Variants in PCCA observed in about 807,000 individuals in gnomAD.
PCCA encodes propionyl-CoA carboxylase alpha chain, mitochondrial.
In PCCA, 74 loss-of-function variants were observed where a neutral mutation model predicts 101.3. That is an observed-to-expected ratio of 0.73 (90% CI 0.61 to 0.89). PCCA has a LOEUF of 0.89. Ranked by LOEUF, PCCA falls within the 40% of genes least tolerant of loss-of-function variation. PCCA has a pLI of 0.00. For missense variants in PCCA, 891 were observed against 907.0 expected, an observed-to-expected ratio of 0.98 and a Z score of 0.23; for synonymous variants, 294 against 313.6, an observed-to-expected ratio of 0.94 and a Z score of 0.66.
At chr13:100,277,448 A>T (rs771514500) in intron 12 of PCCA, among the ~76,000 whole-genome samples, 1 of 152,064 alleles carries the variant, frequency 6.6e-6, no homozygotes, top group Non-Finnish European at 1.5e-5. Flanking sequence ...TTACCCTGTG[A>T]TGTTTTTAAG....
intron 1 of PCCA, 31 bp downstream of exon 1, chr13:100,089,256 G>C (rs1364279777): frequency 6.9e-7 from 1 of 1,458,114 alleles, no homozygotes; most frequent in Non-Finnish European, 9.1e-7. Flanking sequence ...GCGGGTCCGG[G>C]CTTCACTGGG....
intron 20 of PCCA, among the ~76,000 whole-genome samples, chr13:100,448,331 T>A (rs977255315): frequency 2.0e-5 from 3 of 152,190 alleles, no homozygotes; most frequent in African/African-American, 7.2e-5. Context: ...TAGCTGGGAC[T>A]ACAGGTGTGC....
intron 19 of PCCA, among the ~76,000 whole-genome samples, chr13:100,397,929 T>C (rs1007435989): frequency 6.6e-6 from 1 of 152,230 alleles, no homozygotes; most frequent in Admixed American, 6.5e-5. Context: ...AGTGCTTCTT[T>C]TTAGCTTTGA....
At chr13:100,199,590 A>G (rs2058346640) in intron 6 of PCCA, among the ~76,000 whole-genome samples, 1 of 152,218 alleles carries the variant, frequency 6.6e-6, no homozygotes, top group South Asian at 2.1e-4. Context: ...CTTGGATTTG[A>G]TGCCTTTGAT....
chr13:100,414,912 G>C (rs947270167), intron 19 of PCCA, among the ~76,000 whole-genome samples: 1 of 152,078 alleles, frequency 6.6e-6, no homozygotes, highest in Non-Finnish European at 1.5e-5. Context: ...CTGTATACAA[G>C]CACTATATCT....
Position 100,398,105 on chromosome 13 carries a change from A to G in PCCA, c.1747-27528A>G, listed in dbSNP as rs373696640. Among the ~76,000 whole-genome samples the G allele has an allele frequency of 1.4e-3, 208 of 152,256 alleles. 6 individuals carry two copies. The South Asian group carries it at 0.031, about 23-fold the overall frequency. Reference sequence around the variant, plus strand: ...AACCAGCTACGAAAAACACCAAGGAAATGTGAAAGCTGGTAGTAATTGGTG... The same window carrying G: ...AACCAGCTACGAAAAACACCAAGGAGATGTGAAAGCTGGTAGTAATTGGTG... On this transcript the variant is annotated intron_variant, in intron 19 of 23. Transcript: ENST00000376285.
intron 16 of PCCA, among the ~76,000 whole-genome samples, chr13:100,324,814 G>A (rs527404551): frequency 2.7e-4 from 41 of 152,286 alleles, no homozygotes; most frequent in Non-Finnish European, 4.6e-4. Context: ...GCTGATCACC[G>A]CTGTGTGATC....
At chr13:100,194,028 G>A (rs1023586973) in intron 6 of PCCA, among the ~76,000 whole-genome samples, 3 of 151,328 alleles carry the variant, frequency 2.0e-5, no homozygotes, top group African/African-American at 7.3e-5. Flanking sequence ...CCGAGATTGT[G>A]CCACTGCACT....
At chr13:100,171,770 C>G (rs1191401882) in intron 6 of PCCA, among the ~76,000 whole-genome samples, 1 of 152,158 alleles carries the variant, frequency 6.6e-6, no homozygotes, top group East Asian at 1.9e-4. Context: ...CGGTGGCTCA[C>G]GCCTGTAATC....
At position 100,515,446 on chromosome 13, in the gene PCCA, C is replaced by T; in HGVS notation, c.1919C>T (p.Thr640Ile). The T allele has an allele frequency of 6.2e-7, 1 of 1,614,064 alleles. No homozygotes were observed. The highest frequency in any genetic ancestry group is 8.5e-7 in the Non-Finnish European group (1 of 1,179,948). The change falls in exon 22 of 24, where the codon ACC becomes ATC. Residue 640 changes from threonine (T) to isoleucine (I), a missense_variant. Coordinates refer to ENST00000376285, the MANE Select transcript of PCCA (RefSeq NM_000282.4). ...LGTVYKVNILTRLAAELNKFM... is the reference protein window; with the variant it reads ...LGTVYKVNILIRLAAELNKFM... ...CTTAAGTACAAGGTGAATATCTTAACCAGACTTGCCGCAGAATTGAACAAA... is the reference window on the plus strand; with the variant it reads ...CTTAAGTACAAGGTGAATATCTTAATCAGACTTGCCGCAGAATTGAACAAA...
chr13:100,105,287 C>T (rs950417548), intron 2 of PCCA, among the ~76,000 whole-genome samples: 1 of 152,034 alleles, frequency 6.6e-6, no homozygotes, highest in African/African-American at 2.4e-5. Context: ...ATGATAAACT[C>T]CCTGTTATGA....
At chr13:100,298,552 T>C (rs1233597264) in intron 12 of PCCA, among the ~76,000 whole-genome samples, 1 of 151,182 alleles carries the variant, frequency 6.6e-6, no homozygotes, top group African/African-American at 2.4e-5. Context: ...TTTTTTGTTT[T>C]TTTATTTTTA....
chr13:100,167,375 C>A (rs903373707), intron 6 of PCCA, among the ~76,000 whole-genome samples: 1 of 151,760 alleles, frequency 6.6e-6, no homozygotes, highest in Admixed American at 6.6e-5. Context: ...ATGGTGAAAC[C>A]CCATCTCTAC....
rs182989069 is a variant in PCCA at position 100,235,233 on chromosome 13, T to A, written c.601-609T>A. On this transcript the variant is annotated intron_variant, in intron 7 of 23. Coordinates refer to ENST00000376285, the MANE Select transcript of PCCA (RefSeq NM_000282.4). Reference sequence around the variant, plus strand: ...GTTCGTTGAAATTAAAGTTTTTTTTTAATTTATGTAACAAGATACAATTGT... The same window carrying A: ...GTTCGTTGAAATTAAAGTTTTTTTTAAATTTATGTAACAAGATACAATTGT... 1.8e-3 allele frequency among the ~76,000 whole-genome samples: 268 copies of A among 150,984 alleles called. 3 individuals carry two copies. In the East Asian group the frequency reaches 0.023, roughly 13 times the overall value.
At position 100,268,730 on chromosome 13, in the gene PCCA, AAG is replaced by A. The variant is rs760976198; in HGVS notation, c.866_867del (p.Glu289ValfsTer53). 10 of 1,614,058 alleles carry A rather than the reference AAG, an allele frequency of 6.2e-6. No homozygotes were observed. The highest frequency in any genetic ancestry group is 3.3e-5 in the Admixed American group (2 of 60,010). On this transcript the variant is annotated frameshift_variant, in exon 11 of 24. Coordinates refer to ENST00000376285, the MANE Select transcript of PCCA (RefSeq NM_000282.4). LOFTEE classifies it high-confidence loss of function. ...ATGGGAATGCTTTATGGCTTAATGA[AAG>A]AGAGTGCTCAATTCAGAGAAGAAAT... The part of the protein sequence containing the change: ...KHGNALWLNE[R>X]ECSIQRRNQK...
intron 2 of PCCA, among the ~76,000 whole-genome samples, chr13:100,107,161 C>T (rs186753886): frequency 6.6e-6 from 1 of 152,306 alleles, no homozygotes; most frequent in East Asian, 1.9e-4. Flanking sequence ...ATTTCTTATT[C>T]CACATTTTAT....
chr13:100,304,489 C>T lies in PCCA; in HGVS notation c.1284+1491C>T, dbSNP rs553026290. On this transcript the variant is annotated intron_variant, in intron 14 of 23. Coordinates refer to ENST00000376285, the MANE Select transcript of PCCA (RefSeq NM_000282.4). ...TGGCCTGTCATGGAGGCCCATGAGT[C>T]CCCTCCCTTGGAAGCATTTAATCAG... Among the ~76,000 whole-genome samples, 15 of 152,206 alleles carry T rather than the reference C, an allele frequency of 9.9e-5. No individual in the cohort carries two copies. In the East Asian group the frequency reaches 2.1e-3, roughly 22 times the overall value.
rs570743056 is a variant in PCCA, at chr13:100,208,613, C to T, written c.469-719C>T. ...CTAATGGCATCATATTTTGTTCTGTCTCTAGATCTATTTAAGTCACTAGCT... is the reference window on the plus strand; with the variant it reads ...CTAATGGCATCATATTTTGTTCTGTTTCTAGATCTATTTAAGTCACTAGCT... On this transcript the variant is annotated intron_variant, in intron 6 of 23. Coordinates refer to ENST00000376285, the MANE Select transcript of PCCA (RefSeq NM_000282.4). 4.6e-5 allele frequency among the ~76,000 whole-genome samples: 7 copies of T among 152,236 alleles called. No homozygotes were observed. The East Asian group carries it at 9.6e-4, about 21-fold the overall frequency.
At chr13:100,368,366 A>T in intron 18 of PCCA, 106 bp from the exon 19 acceptor site, 1 of 681,982 alleles carries the variant, frequency 1.5e-6, no homozygotes, top group Non-Finnish European at 2.6e-6. Context: ...TCGCAAATAC[A>T]TTCAATGGCA....
Sources: gnomAD v4.1 joint callset for allele counts (sites outside exome capture counted in the v4.1 genomes callset) on GRCh38, gnomAD v4.1.1 for gene constraint, MANE v1.5 for transcripts, NCBI Gene and HGNC (gene_info 2026-07-23, HGNC 2026-07-21) for gene names.